RABGEF1: variants seen among roughly 807,000 people sequenced by gnomAD.
RABGEF1 encodes the protein rab5 GDP/GTP exchange factor.
In RABGEF1, 26 loss-of-function variants were observed where a neutral mutation model predicts 57.3. The observed-to-expected ratio is 0.45, with a 90% CI of 0.33 to 0.63. The LOEUF is 0.63. Among genes scored for constraint, RABGEF1 ranks in the 20% least tolerant of loss-of-function variants. RABGEF1 has a pLI of 0.02. For missense variants in RABGEF1, 464 were observed against 607.6 expected, an observed-to-expected ratio of 0.76 and a Z score of 2.48; for synonymous variants, 185 against 210.7, an observed-to-expected ratio of 0.88 and a Z score of 1.06.
intron 2 of RABGEF1, among the ~76,000 whole-genome samples, chr7:66,716,720 G>A (rs1795444617): frequency 6.6e-6 from 1 of 152,152 alleles, no homozygotes; most frequent in Non-Finnish European, 1.5e-5. Flanking sequence ...TACATTCATT[G>A]TTATTGTTGA....
chr7:66,763,688 G>A lies in RABGEF1; in HGVS notation c.-17-8195G>A, dbSNP rs182920799. On this transcript the variant is annotated intron_variant, in intron 1 of 8. Coordinates refer to ENST00000284957, the MANE Select transcript of RABGEF1 (RefSeq NM_014504.3). Reference sequence around the variant, plus strand: ...CTCAGTGACCACTACTCTATTTTCTGTCTCTAGATTTCCCTGGTATGGATG... The same window carrying A: ...CTCAGTGACCACTACTCTATTTTCTATCTCTAGATTTCCCTGGTATGGATG... Among the ~76,000 whole-genome samples the A allele has an allele frequency of 1.5e-4, 23 of 152,218 alleles. No individual in the cohort carries two copies. The East Asian group carries it at 3.3e-3, about 22-fold the overall frequency.
At chr7:66,744,188 C>T (rs1242339216) in intron 1 of RABGEF1, among the ~76,000 whole-genome samples, 3 of 151,132 alleles carry the variant, frequency 2.0e-5, no homozygotes, top group Non-Finnish European at 4.4e-5. Flanking sequence ...CATAGATAGG[C>T]GCGCGCCACC....
intron 1 of RABGEF1, among the ~76,000 whole-genome samples, chr7:66,682,618 A>G (rs1276642115): frequency 2.0e-5 from 3 of 152,092 alleles, no homozygotes; most frequent in Non-Finnish European, 2.9e-5. Flanking sequence ...CTCCGAAGCA[A>G]CATCTGTGGT....
chr7:66,657,361 T>C, the RABGEF1 span, among the ~76,000 whole-genome samples: 3 of 152,124 alleles, frequency 2.0e-5, no homozygotes, highest in Admixed American at 2.0e-4. Flanking sequence ...AACTCACAAA[T>C]ATATGGAAAA....
rs117328880 is a variant in RABGEF1 at position 66,727,709 on chromosome 7, C to T, written c.-814-12287C>T. 5.3e-3 allele frequency among the ~76,000 whole-genome samples: 804 copies of T among 152,310 alleles called. 2 individuals carry two copies. The highest frequency in any genetic ancestry group is 9.8e-3 in the Non-Finnish European group (667 of 68,024). On this transcript the variant is annotated intron_variant and NMD_transcript_variant, in intron 2 of 9. Coordinates refer to the RABGEF1 transcript ENST00000607882. ...GGCCAGCCCCTCGCAGGGGTCCTGGCGGTGGCCAGAAGTGGGCACACCTGG... is the reference window on the plus strand; with the variant it reads ...GGCCAGCCCCTCGCAGGGGTCCTGGTGGTGGCCAGAAGTGGGCACACCTGG...
At position 66,797,500 on chromosome 7, in the gene RABGEF1, G is replaced by T; in HGVS notation, c.722G>T (p.Arg241Ile). 1 of 1,606,870 alleles carries T rather than the reference G, an allele frequency of 6.2e-7. No individual in the cohort carries two copies. Among genetic ancestry groups the T allele is most frequent in the Non-Finnish European group, 8.5e-7 (1 of 1,178,294 alleles). ...DEKKDLAIQKRIRALRWVTPQ... is the reference protein window; with the variant it reads ...DEKKDLAIQKIIRALRWVTPQ... Reference sequence around the variant, plus strand: ...AAGAAAGATCTTGCCATTCAAAAGAGAATCAGGTAGTTGCTTATTTTGTTT... The same window carrying T: ...AAGAAAGATCTTGCCATTCAAAAGATAATCAGGTAGTTGCTTATTTTGTTT... The change falls in exon 6 of 9, where the codon AGA becomes ATA. Residue 241 changes from arginine to isoleucine, a missense_variant. Arg to Ile is a moderately conservative substitution (Grantham distance 97, BLOSUM62 -3). This residue lies in a region of RABGEF1 where 284 missense variants were observed against 389.9 expected (regional missense o/e 0.73). Transcript: ENST00000284957.
intron 3 of RABGEF1, among the ~76,000 whole-genome samples, chr7:66,778,353 G>A (rs538589516): frequency 1.3e-5 from 2 of 152,288 alleles, no homozygotes; most frequent in Admixed American, 1.3e-4. Context: ...AGTTGGATAC[G>A]CCTTCAGAGA....
At chr7:66,690,141 G>A (rs1440483908) in intron 1 of RABGEF1, among the ~76,000 whole-genome samples, 5 of 138,008 alleles carry the variant, frequency 3.6e-5, no homozygotes, top group Admixed American at 2.4e-4. Context: ...TCGCTGTGTC[G>A]CCCAGGCTGG....
chr7:66,791,715 G>A (rs1451759470), intron 4 of RABGEF1, among the ~76,000 whole-genome samples: 1 of 152,190 alleles, frequency 6.6e-6, no homozygotes. Flanking sequence ...AGTGTATAGA[G>A]TGCCTCTCAG....
At chr7:66,702,973 T>C (rs1387103094) in intron 1 of RABGEF1, among the ~76,000 whole-genome samples, 1 of 152,146 alleles carries the variant, frequency 6.6e-6, no homozygotes, top group South Asian at 2.1e-4. Context: ...CTAAGTTTTT[T>C]TGTTTGTTTG....
chr7:66,736,380 G>A (rs929433758), upstream of RABGEF1, among the ~76,000 whole-genome samples: 3 of 152,212 alleles, frequency 2.0e-5, no homozygotes, highest in Admixed American at 1.3e-4. Flanking sequence ...TCTCAGTGCA[G>A]TGAACAACCT....
At chr7:66,713,773 C>T (rs1309194896) in intron 2 of RABGEF1, among the ~76,000 whole-genome samples, 3 of 152,064 alleles carry the variant, frequency 2.0e-5, no homozygotes, top group Admixed American at 6.6e-5. Context: ...TACATTGATA[C>T]GTTGATATGA....
intron 1 of RABGEF1, among the ~76,000 whole-genome samples, chr7:66,747,566 G>A (rs1381648341): frequency 1.3e-5 from 2 of 152,194 alleles, no homozygotes; most frequent in East Asian, 3.9e-4. Flanking sequence ...TCACATAGGG[G>A]TATATTTATA....
chr7:66,781,443 T>TG (rs1257815377), intron 3 of RABGEF1, among the ~76,000 whole-genome samples: 1 of 152,190 alleles, frequency 6.6e-6, no homozygotes, highest in African/African-American at 2.4e-5. Flanking sequence ...ATACGTGCCC[T>TG]GGTGGTTTGC....
the RABGEF1 span, among the ~76,000 whole-genome samples, chr7:66,655,004 G>C: frequency 6.6e-6 from 1 of 152,294 alleles, no homozygotes; most frequent in South Asian, 2.1e-4. Flanking sequence ...CGCTGGCTCC[G>C]AAGCAACATT....
intron 1 of RABGEF1, among the ~76,000 whole-genome samples, chr7:66,687,152 G>A: frequency 7.5e-6 from 1 of 132,786 alleles, no homozygotes; most frequent in South Asian, 2.4e-4. Context: ...TTGAGACGGA[G>A]TCTTGCTCTG....
At chr7:66,677,612 A>G (rs1789367528), upstream of RABGEF1, among the ~76,000 whole-genome samples, 1 of 151,936 alleles carries the variant, frequency 6.6e-6, no homozygotes, top group Admixed American at 6.6e-5. Flanking sequence ...AATACAAAAA[A>G]TTAGCTGGGC....
intron 8 of RABGEF1, among the ~76,000 whole-genome samples, chr7:66,808,591 G>A (rs1002435630): frequency 6.6e-6 from 1 of 152,124 alleles, no homozygotes; most frequent in Non-Finnish European, 1.5e-5. Context: ...CCTACTTGGG[G>A]ACTATATCCT....
intron 1 of RABGEF1, among the ~76,000 whole-genome samples, chr7:66,711,308 C>T (rs1480332295): frequency 6.6e-6 from 1 of 151,852 alleles, no homozygotes; most frequent in East Asian, 1.9e-4. Flanking sequence ...CTTTGCCTAA[C>T]CTAATTATTT....
Sources: gnomAD v4.1 joint callset for allele counts (sites outside exome capture counted in the v4.1 genomes callset) on GRCh38, gnomAD v4.1.1 for gene constraint, gnomAD v4.1.1 regional missense constraint, MANE v1.5 for transcripts, NCBI Gene and HGNC (gene_info 2026-07-23, HGNC 2026-07-21) for gene names.